IL1RAPL1: variants seen among roughly 807,000 people sequenced by gnomAD.
IL1RAPL1 encodes the protein interleukin-1 receptor accessory protein-like 1.
A neutral mutation model predicts 48.4 loss-of-function variants in IL1RAPL1; 3 were observed. The observed-to-expected ratio is 0.06, with a 90% confidence interval of 0.03 to 0.16. The LOEUF (loss-of-function observed/expected upper bound fraction) is 0.16. IL1RAPL1 is among the 10% of genes least tolerant of loss of function. The pLI is 1.00. For missense variants in IL1RAPL1, 349 were observed against 530.6 expected, an observed-to-expected ratio of 0.66 and a Z score of 3.36; for synonymous variants, 185 against 187.7, an observed-to-expected ratio of 0.99 and a Z score of 0.12.
At chrX:29,102,323 A>T (rs1471384230) in intron 2 of IL1RAPL1, among the ~76,000 whole-genome samples, 1 of 112,068 alleles carries the variant, frequency 8.9e-6, no homozygotes, top group Non-Finnish European at 1.9e-5. Flanking sequence ...AGTCCTAGCT[A>T]GAGGAGTCAG....
At chrX:29,034,097 A>G (rs1401139859) in intron 2 of IL1RAPL1, among the ~76,000 whole-genome samples, 1 of 112,387 alleles carries the variant, frequency 8.9e-6, no homozygotes, top group African/African-American at 3.2e-5. Flanking sequence ...GTGAACACAC[A>G]TGTCAAAAAT....
At chrX:29,008,997 G>T (rs1479774951) in intron 2 of IL1RAPL1, among the ~76,000 whole-genome samples, 1 of 110,946 alleles carries the variant, frequency 9.0e-6, no homozygotes, top group Non-Finnish European at 1.9e-5. Flanking sequence ...CAATGGTCAT[G>T]ATTTCATACT....
At chrX:28,802,696 G>A (rs1936689819) in intron 2 of IL1RAPL1, among the ~76,000 whole-genome samples, 1 of 111,544 alleles carries the variant, frequency 9.0e-6, no homozygotes, top group African/African-American at 3.3e-5. Context: ...TCATACTCTG[G>A]TGCATTAATA....
At chrX:29,879,025 G>A (rs1931967796) in intron 6 of IL1RAPL1, among the ~76,000 whole-genome samples, 1 of 110,986 alleles carries the variant, frequency 9.0e-6, no homozygotes, top group Non-Finnish European at 1.9e-5. Context: ...TTGGGTGAAT[G>A]GATAAAAACC....
intron 6 of IL1RAPL1, among the ~76,000 whole-genome samples, chrX:29,881,118 G>T (rs1932021044): frequency 9.0e-6 from 1 of 110,640 alleles, no homozygotes; most frequent in Non-Finnish European, 1.9e-5. Context: ...ACTCTTTGAG[G>T]TCAGGTACCT....
chrX:29,775,523 G>A (rs1423222177), intron 6 of IL1RAPL1, among the ~76,000 whole-genome samples: 1 of 111,278 alleles, frequency 9.0e-6, no homozygotes, highest in Non-Finnish European at 1.9e-5. Context: ...GGCGAAGGGA[G>A]GTCACTGGTG....
chrX:29,803,557 A>G (rs1930170719), intron 6 of IL1RAPL1, among the ~76,000 whole-genome samples: 1 of 100,246 alleles, frequency 1.0e-5, no homozygotes. Flanking sequence ...ATGTGTGTAT[A>G]TATGTATATA....
chrX:29,821,284 CT>C (rs1238406448), intron 6 of IL1RAPL1, among the ~76,000 whole-genome samples: 1 of 109,299 alleles, frequency 9.1e-6, no homozygotes, highest in Non-Finnish European at 1.9e-5. Flanking sequence ...CCCGTCTCTA[CT>C]AAAAAATACA....
At chrX:28,873,362 T>C (rs940732598) in intron 2 of IL1RAPL1, among the ~76,000 whole-genome samples, 2 of 107,838 alleles carry the variant, frequency 1.9e-5, no homozygotes, top group African/African-American at 6.8e-5. Context: ...CCGACCTCCT[T>C]GGCGTCCCAA....
chrX:29,463,455 T>C (rs1487543933), intron 5 of IL1RAPL1, among the ~76,000 whole-genome samples: 1 of 112,438 alleles, frequency 8.9e-6, no homozygotes, highest in East Asian at 2.8e-4. Flanking sequence ...GCCTATTGTA[T>C]AGATACTGAA....
chrX:29,253,886 A>G (rs1285262045), intron 2 of IL1RAPL1, among the ~76,000 whole-genome samples: 3 of 111,584 alleles, frequency 2.7e-5, no homozygotes, highest in Non-Finnish European at 5.7e-5. Context: ...AATGGCAAGC[A>G]TTTAAGGTGA....
intron 6 of IL1RAPL1, among the ~76,000 whole-genome samples, chrX:29,792,684 G>A (rs762547858): frequency 1.8e-5 from 2 of 110,919 alleles, no homozygotes; most frequent in East Asian, 2.8e-4. Flanking sequence ...TTGTAAGGCC[G>A]GTGTTAGTCT....
intron 1 of IL1RAPL1, among the ~76,000 whole-genome samples, chrX:28,788,613 C>A (rs111740446): frequency 0.015 from 1,538 of 103,088 alleles, 24 homozygotes; most frequent in African/African-American, 0.052. Context: ...CCTACAGGTG[C>A]ACTCCACCAC....
At chrX:28,854,824 G>A (rs1921761494) in intron 2 of IL1RAPL1, among the ~76,000 whole-genome samples, 2 of 111,466 alleles carry the variant, frequency 1.8e-5, no homozygotes, top group South Asian at 7.5e-4. Context: ...GGTCATCAGT[G>A]ACCTTGGCAA....
intron 1 of IL1RAPL1, among the ~76,000 whole-genome samples, chrX:28,658,034 C>T (rs888436730): frequency 9.0e-6 from 1 of 111,505 alleles, no homozygotes; most frequent in South Asian, 3.7e-4. Context: ...TATGATTGAT[C>T]CATTTTAGGT....
At chrX:29,340,581 A>G (rs1933060491) in intron 3 of IL1RAPL1, among the ~76,000 whole-genome samples, 1 of 112,213 alleles carries the variant, frequency 8.9e-6, no homozygotes, top group Admixed American at 9.5e-5. Context: ...GTTTAAAACT[A>G]CATTCCCTTT....
chrX:29,255,620 C>T (rs1158591995), intron 2 of IL1RAPL1, among the ~76,000 whole-genome samples: 1 of 110,794 alleles, frequency 9.0e-6, no homozygotes, highest in African/African-American at 3.3e-5. Context: ...TGTCTTTCCC[C>T]CTTTTGGAAT....
chrX:29,547,409 C>T (rs1381826755), intron 5 of IL1RAPL1, among the ~76,000 whole-genome samples: 1 of 110,733 alleles, frequency 9.0e-6, no homozygotes, highest in African/African-American at 3.3e-5. Context: ...ACAATGAGAA[C>T]CTCATTGATG....
chrX:29,258,712 T>G (rs1931798618), intron 2 of IL1RAPL1, among the ~76,000 whole-genome samples: 1 of 111,373 alleles, frequency 9.0e-6, no homozygotes. Context: ...TTATGGGCTA[T>G]ATTAAGAAGA....
Sources: gnomAD v4.1 joint callset for allele counts (sites outside exome capture counted in the v4.1 genomes callset) on GRCh38, gnomAD v4.1.1 for gene constraint, MANE v1.5 for transcripts, NCBI Gene and HGNC (gene_info 2026-07-23, HGNC 2026-07-21) for gene names.